MBOAT2: variants seen among roughly 807,000 people sequenced by gnomAD.
MBOAT2 encodes the protein membrane bound glycerophospholipid O-acyltransferase 2.
A neutral mutation model predicts 63.4 loss-of-function variants in MBOAT2; 28 were observed. That is an observed-to-expected ratio of 0.44 (90% CI 0.33 to 0.61). MBOAT2 has a LOEUF of 0.61. Ranked by LOEUF, MBOAT2 falls within the 20% of genes least tolerant of loss-of-function variation. The pLI, the probability that MBOAT2 is intolerant of heterozygous loss-of-function variation, is 0.03. For synonymous variants in MBOAT2, 211 were observed against 215.6 expected (o/e 0.98, Z 0.19); for missense variants, 470 against 605.8 (o/e 0.78, Z 2.35).
At chr2:8,925,927 T>C (rs932268571) in intron 3 of MBOAT2, among the ~76,000 whole-genome samples, 1 of 152,204 alleles carries the variant, frequency 6.6e-6, no homozygotes, top group Non-Finnish European at 1.5e-5. Flanking sequence ...TGAAATACAG[T>C]ATTTCATTTA....
intron 2 of MBOAT2, among the ~76,000 whole-genome samples, chr2:8,948,334 A>G (rs1008353715): frequency 2.0e-5 from 3 of 152,190 alleles, no homozygotes; most frequent in African/African-American, 7.2e-5. Flanking sequence ...TAACAACAAC[A>G]AAAAATTTTT....
chr2:8,954,994 A>G lies in MBOAT2; in HGVS notation c.221+3503T>C, dbSNP rs373785959. On this transcript the variant is annotated intron_variant, in intron 2 of 12. Coordinates refer to ENST00000305997, the MANE Select transcript of MBOAT2 (RefSeq NM_138799.4). ...GGCTGCAAGTGTTGCTGCCCAGGAG[A>G]AAGTGCAACTTAGCAGCTCTCCTCC... Among the ~76,000 whole-genome samples, 41 of 152,302 alleles carry G rather than the reference A, an allele frequency of 2.7e-4. No homozygotes were observed. The East Asian group carries it at 6.4e-3, about 24-fold the overall frequency.
At chr2:8,941,485 T>A (rs577604005) in intron 3 of MBOAT2, among the ~76,000 whole-genome samples, 1 of 152,148 alleles carries the variant, frequency 6.6e-6, no homozygotes, top group African/African-American at 2.4e-5. Context: ...ACTAGCCACA[T>A]GTGGCTAGTG....
chr2:8,911,495 C>G (rs1315049679), intron 3 of MBOAT2, among the ~76,000 whole-genome samples: 1 of 152,154 alleles, frequency 6.6e-6, no homozygotes, highest in Non-Finnish European at 1.5e-5. Context: ...TGTTCGTCTC[C>G]TCTAAAACTT....
Position 8,877,108 on chromosome 2 carries a change from G to T in MBOAT2, c.612C>A (p.Gly204=). The part of the protein sequence containing the change: ...SYKDYITFIE[G]RSYHITQSGE... Reference sequence around the variant, plus strand: ...CAGATTGTGTGATATGGTATGATCTGCCTTCAATGAAAGTAATGTAGTCTT... The same window carrying T: ...CAGATTGTGTGATATGGTATGATCTTCCTTCAATGAAAGTAATGTAGTCTT... The change falls in exon 7 of 13, where the codon GGC becomes GGA. Residue 204 remains glycine, a synonymous_variant. Transcript: ENST00000305997. 6.2e-7 allele frequency: 1 copy of T among 1,614,048 alleles called. No individual in the cohort carries two copies. The highest frequency in any genetic ancestry group is 2.2e-5 in the East Asian group (1 of 44,866).
chr2:8,933,235 A>T (rs1052181211), intron 3 of MBOAT2, among the ~76,000 whole-genome samples: 1 of 152,312 alleles, frequency 6.6e-6, no homozygotes, highest in Middle Eastern at 3.4e-3. Flanking sequence ...CTTTATCATA[A>T]AGAGTAATAT....
At chr2:8,912,223 A>T (rs1665756864) in intron 3 of MBOAT2, among the ~76,000 whole-genome samples, 1 of 151,450 alleles carries the variant, frequency 6.6e-6, no homozygotes, top group African/African-American at 2.4e-5. Flanking sequence ...TCAACATAGT[A>T]CTGGAAGTCC....
intron 3 of MBOAT2, among the ~76,000 whole-genome samples, chr2:8,912,331 G>GAA (rs1223639490): frequency 9.8e-6 from 1 of 101,792 alleles, no homozygotes; most frequent in African/African-American, 4.1e-5. Context: ...AAGAAAGAAA[G>GAA]AAAGAAAGAA....
At chr2:8,896,544 A>G (rs1664492085) in intron 4 of MBOAT2, among the ~76,000 whole-genome samples, 1 of 152,184 alleles carries the variant, frequency 6.6e-6, no homozygotes, top group Non-Finnish European at 1.5e-5. Flanking sequence ...TGCATGTTAC[A>G]CTGTTAACTT....
intron 1 of MBOAT2, among the ~76,000 whole-genome samples, chr2:8,983,918 T>C (rs2103343543): frequency 6.6e-6 from 1 of 152,276 alleles, no homozygotes; most frequent in South Asian, 2.1e-4. Context: ...TAGGAAGATA[T>C]CTTTACAATC....
intron 2 of MBOAT2, among the ~76,000 whole-genome samples, chr2:8,954,836 G>A (rs1422585699): frequency 6.6e-6 from 1 of 152,116 alleles, no homozygotes; most frequent in African/African-American, 2.4e-5. Flanking sequence ...AGGCAAACAG[G>A]TGCTCCAAAT....
intron 11 of MBOAT2, among the ~76,000 whole-genome samples, chr2:8,861,833 C>A (rs1253490023): frequency 6.6e-6 from 1 of 152,122 alleles, no homozygotes; most frequent in African/African-American, 2.4e-5. Flanking sequence ...CACATATACA[C>A]CTTATCCCAA....
At chr2:8,859,976 A>T (rs1050916345) in intron 12 of MBOAT2, among the ~76,000 whole-genome samples, 2 of 152,068 alleles carry the variant, frequency 1.3e-5, no homozygotes, top group Non-Finnish European at 2.9e-5. Context: ...CGAGGTCAGG[A>T]GCCTCAAGAC....
At chr2:8,999,616 C>A (rs1342441989) in intron 1 of MBOAT2, among the ~76,000 whole-genome samples, 1 of 152,208 alleles carries the variant, frequency 6.6e-6, no homozygotes, top group East Asian at 1.9e-4. Context: ...TCAGTGATTC[C>A]TGATGTTGTC....
chr2:8,943,259 G>A lies in MBOAT2; in HGVS notation c.227C>T (p.Ala76Val), dbSNP rs766059198. The change falls in exon 3 of 13, where the codon GCC becomes GTC. Residue 76 changes from alanine to valine, a missense_variant. Physicochemically the swap from Ala to Val is moderately conservative, Grantham distance 64 (BLOSUM62 0). This residue lies in a region of MBOAT2 where 376 missense variants were observed against 503.8 expected (regional missense o/e 0.75). Transcript: ENST00000305997. ...TCCACTTTGTACAAGAAAGTGTAAG[G>A]CATACCTATAAAAAGTAAGAGCACT... ...YLALFCFGWY[A>V]LHFLVQSGIS... The A allele has an allele frequency of 2.6e-6, 4 of 1,560,990 alleles. No individual in the cohort carries two copies. The highest frequency in any genetic ancestry group is 3.5e-6 in the Non-Finnish European group (4 of 1,147,054).
At chr2:8,877,266 C>A in intron 6 of MBOAT2, 53 bp from the exon 7 acceptor site, 4 of 1,521,926 alleles carry the variant, frequency 2.6e-6, no homozygotes, top group Non-Finnish European at 3.6e-6. Flanking sequence ...TTCAGAACAT[C>A]TGATAGAATA....
chr2:8,859,686 T>C (rs1661354747), intron 12 of MBOAT2, among the ~76,000 whole-genome samples: 1 of 152,234 alleles, frequency 6.6e-6, no homozygotes, highest in Admixed American at 6.5e-5. Context: ...GCTAGAGTAA[T>C]AAAGAATTTA....
intron 9 of MBOAT2, among the ~76,000 whole-genome samples, chr2:8,866,126 T>C (rs1470929906): frequency 6.6e-6 from 1 of 152,204 alleles, no homozygotes; most frequent in Non-Finnish European, 1.5e-5. Context: ...CACTTAGCAT[T>C]GATGACCATT....
At chr2:8,859,030 C>CT (rs1661309857) in intron 12 of MBOAT2, 126 bp from the exon 13 acceptor site, 12 of 708,400 alleles carry the variant, frequency 1.7e-5, no homozygotes, top group Middle Eastern at 4.0e-4. Context: ...CTACATTATT[C>CT]TTTTATTTTT....
Sources: gnomAD v4.1 joint callset for allele counts (sites outside exome capture counted in the v4.1 genomes callset) on GRCh38, gnomAD v4.1.1 for gene constraint, gnomAD v4.1.1 regional missense constraint, MANE v1.5 for transcripts, NCBI Gene and HGNC (gene_info 2026-07-23, HGNC 2026-07-21) for gene names.